Variants in MLPH observed in about 807,000 individuals in gnomAD.
The protein encoded by MLPH is exophilin-3.
A neutral mutation model predicts 72.1 loss-of-function variants in MLPH; 51 were observed. That is an observed-to-expected ratio of 0.71 (90% CI 0.56 to 0.89). The LOEUF (loss-of-function observed/expected upper bound fraction) is 0.89, where lower values mean the gene tolerates loss of function less well. Among genes scored for constraint, MLPH ranks in the 40% least tolerant of loss-of-function variants. The pLI is 0.00. For missense variants in MLPH, 743 were observed against 759.9 expected, an observed-to-expected ratio of 0.98 and a Z score of 0.26; for synonymous variants, 301 against 310.1, an observed-to-expected ratio of 0.97 and a Z score of 0.31.
intron 6 of MLPH, among the ~76,000 whole-genome samples, chr2:237,522,936 G>A (rs1361833937): frequency 2.0e-5 from 3 of 152,130 alleles, no homozygotes; most frequent in Admixed American, 6.5e-5. Context: ...ACCATCAGCC[G>A]ATTAGTAAGA....
Position 237,512,299 on chromosome 2 carries a change from C to T in MLPH, c.445+1198C>T, listed in dbSNP as rs1457375110. Among the ~76,000 whole-genome samples the T allele has an allele frequency of 7.9e-5, 12 of 152,328 alleles. No individual in the cohort carries two copies. The highest frequency in any genetic ancestry group is 1.9e-4 in the African/African-American group (8 of 41,564). On this transcript the variant is annotated intron_variant, in intron 4 of 15. Coordinates refer to ENST00000264605, the MANE Select transcript of MLPH (RefSeq NM_024101.7). The surrounding 1 kb of genome is among the most constrained non-coding windows in gnomAD (Gnocchi z 5.5). ...AGACACCTTTGAGCATTCAAGCTCT[C>T]GCCGGGCCTGCTGCAGGCATTTCAA...
intron 6 of MLPH, among the ~76,000 whole-genome samples, chr2:237,521,460 C>T (rs188114847): frequency 6.6e-6 from 1 of 152,094 alleles, no homozygotes; most frequent in Non-Finnish European, 1.5e-5. Context: ...GGATGATGGA[C>T]CCTGAACCTA....
intron 9 of MLPH, among the ~76,000 whole-genome samples, chr2:237,539,204 T>C (rs2080611656): frequency 6.6e-6 from 1 of 151,994 alleles, no homozygotes; most frequent in Admixed American, 6.6e-5. Context: ...GCTCTGGCCA[T>C]CCTCCTGAGA....
Position 237,542,668 on chromosome 2 carries a change from G to A in MLPH, c.1539+9G>A. 6.4e-7 allele frequency: 1 copy of A among 1,558,510 alleles called. No individual in the cohort carries two copies. The highest frequency in any genetic ancestry group is 8.7e-7 in the Non-Finnish European group (1 of 1,151,364). On this transcript the variant is annotated intron_variant, in intron 12 of 15. Coordinates refer to ENST00000264605, the MANE Select transcript of MLPH (RefSeq NM_024101.7). ...GGAAGTCAAACCTCCCGGTGAGTGG[G>A]GGGCAGTGGTGAGTGGAGACAGTGC...
At chr2:237,539,630 C>A (rs934880448) in intron 9 of MLPH, among the ~76,000 whole-genome samples, 7 of 152,194 alleles carry the variant, frequency 4.6e-5, no homozygotes, top group African/African-American at 1.7e-4. Flanking sequence ...CCTCCTGCCT[C>A]CTGCCCACAG....
chr2:237,540,619 A>T (rs1445354530), intron 10 of MLPH, 86 bp downstream of exon 10: 1 of 1,528,598 alleles, frequency 6.5e-7, no homozygotes, highest in East Asian at 2.4e-5. Flanking sequence ...CACCCTCCCC[A>T]GGGAGGCAGC....
chr2:237,545,248 G>A (rs1207037903), intron 12 of MLPH, among the ~76,000 whole-genome samples: 3 of 150,864 alleles, frequency 2.0e-5, no homozygotes, highest in Admixed American at 1.3e-4. Flanking sequence ...ACAGTGGTGA[G>A]TGAGGGGAAC....
At chr2:237,537,957 C>A (rs555876605) in intron 9 of MLPH, among the ~76,000 whole-genome samples, 2 of 152,290 alleles carry the variant, frequency 1.3e-5, no homozygotes, top group South Asian at 2.1e-4. Flanking sequence ...CAGGGGAGAG[C>A]CCTCGGAATG....
In MLPH at chr2:237,500,759, C is replaced by A. The variant is rs2079628727; in HGVS notation, c.110+7223C>A. Among the ~76,000 whole-genome samples the A allele has an allele frequency of 2.0e-5, 3 of 152,114 alleles. No homozygotes were observed. In the South Asian group the frequency reaches 6.2e-4, roughly 32 times the overall value. On this transcript the variant is annotated intron_variant, in intron 2 of 15. Coordinates refer to ENST00000264605, the MANE Select transcript of MLPH (RefSeq NM_024101.7). ...AAGTTCCCAGGACTCATGGCTGTCT[C>A]TGCTCCTTCCCTCTCACCCCACACC...
chr2:237,541,118 G>T lies in MLPH; in HGVS notation c.1446+161G>T, dbSNP rs2080672145. Among the ~76,000 whole-genome samples the T allele has an allele frequency of 6.6e-6, 1 of 152,266 alleles. No individual in the cohort carries two copies. Among genetic ancestry groups the T allele is most frequent in the South Asian group, 2.1e-4 (1 of 4,824 alleles). ...CTGAAGGCCAGGCATGAACCTGGGG[G>T]TTTCTGGGGGACTCACCTAATTCGC... On this transcript the variant is annotated intron_variant, in intron 11 of 15. Transcript: ENST00000264605. The surrounding 1 kb of genome is among the most constrained non-coding windows in gnomAD (Gnocchi z 5.1).
intron 4 of MLPH, 55 bp from the exon 5 acceptor site, chr2:237,518,484 G>C: frequency 2.8e-6 from 4 of 1,439,530 alleles, no homozygotes; most frequent in Non-Finnish European, 3.9e-6. Context: ...GCTGACAAAT[G>C]GCTTGTTCCC....
intron 5 of MLPH, among the ~76,000 whole-genome samples, chr2:237,518,969 G>A (rs940267493): frequency 6.6e-6 from 1 of 152,198 alleles, no homozygotes; most frequent in East Asian, 1.9e-4. Context: ...ACAGGCAGGG[G>A]TCCTGGAGGG....
chr2:237,525,878 C>CA, intron 7 of MLPH, 73 bp downstream of exon 7: 3 of 1,408,990 alleles, frequency 2.1e-6, no homozygotes, highest in Non-Finnish European at 2.9e-6. Flanking sequence ...ACAACCCCAC[C>CA]ACCCTGACCT....
chr2:237,516,820 GAT>G, intron 4 of MLPH, among the ~76,000 whole-genome samples: 5 of 150,148 alleles, frequency 3.3e-5, no homozygotes, highest in Admixed American at 6.7e-5. Flanking sequence ...TGGATGGATG[GAT>G]GGATGGTAGG....
At chr2:237,501,663 CTAAAAA>C (rs2079650197) in intron 2 of MLPH, among the ~76,000 whole-genome samples, 2 of 101,672 alleles carry the variant, frequency 2.0e-5, no homozygotes, top group African/African-American at 6.9e-5. Flanking sequence ...CACGTCTCTA[CTAAAAA>C]AAAAAAAAAA....
Position 237,534,643 on chromosome 2 carries a change from C to T in MLPH, c.1100C>T (p.Ala367Val). The change falls in exon 9 of 16, where the codon GCC (alanine) becomes GTC (valine). Residue 367 changes from alanine to valine, a missense_variant. By Grantham distance (64) the Ala-to-Val change is moderately conservative. Transcript: ENST00000264605. ...GAGAACACAGTTGTGCCTCCCTTGG[C>T]CAAGGTAACACTGGGGGCTGGGCAA... ...YLENTVVPPL[A>V]KGLGAGVRTE... is the part of the protein sequence containing the mutation. 6.2e-7 allele frequency: 1 copy of T among 1,613,448 alleles called. No homozygotes were observed. The highest frequency in any genetic ancestry group is 8.5e-7 in the Non-Finnish European group (1 of 1,179,542).
intron 2 of MLPH, among the ~76,000 whole-genome samples, chr2:237,503,922 G>A (rs1185250611): frequency 6.6e-6 from 1 of 152,158 alleles, no homozygotes; most frequent in Non-Finnish European, 1.5e-5. Context: ...CCCACCTGCT[G>A]GCCTGGACCT....
chr2:237,521,389 G>T (rs1401736411), intron 6 of MLPH, among the ~76,000 whole-genome samples: 1 of 151,994 alleles, frequency 6.6e-6, no homozygotes, highest in Non-Finnish European at 1.5e-5. Flanking sequence ...GAGGTGAGGG[G>T]TAGAGTCTTG....
At position 237,493,358 on chromosome 2, in the gene MLPH, G is replaced by C. The variant is rs1388210136; in HGVS notation, c.-24-45G>C. On this transcript the variant is annotated intron_variant, in intron 1 of 15. Transcript: ENST00000264605. The stretch of plus-strand genomic sequence containing the variant: ...CTTACTCTGTGACTTGATTGGTATT[G>C]GTAGGCTTCTGGGACTGATGACTTG... 3 of 1,230,334 alleles carry C rather than the reference G, an allele frequency of 2.4e-6. No homozygotes were observed. In the African/African-American group the frequency reaches 4.4e-5, roughly 18 times the overall value. The allele number at this position is 1,230,334 out of a possible 1,614,324, so 76.2% of individuals were successfully genotyped here.
Sources: allele counts gnomAD v4.1 joint callset (sites outside exome capture counted in the v4.1 genomes callset), GRCh38; gene constraint gnomAD v4.1.1; non-coding constraint Gnocchi (gnomAD v3.1); transcripts MANE v1.5; gene names NCBI Gene and HGNC (gene_info 2026-07-23, HGNC 2026-07-21).